CNTN5: variants seen among roughly 807,000 people sequenced by gnomAD.
CNTN5 encodes contactin-5.
A neutral mutation model predicts 129.1 loss-of-function variants in CNTN5; 77 were observed. The ratio of observed to expected loss-of-function variants is 0.60; its 90% CI spans 0.50 to 0.72. The LOEUF is 0.72. Among genes scored for constraint, CNTN5 ranks in the 30% least tolerant of loss-of-function variants. The probability of loss-of-function intolerance (pLI) is 0.00; values close to 1 mark genes in which losing one functional copy is unlikely to be tolerated. For synonymous variants in CNTN5, 509 were observed against 465.6 expected (o/e 1.09, Z -1.20); for missense variants, 1,478 against 1,328.8 (o/e 1.11, Z -1.75).
chr11:99,269,198 C>A (rs895436373), intron 1 of CNTN5, among the ~76,000 whole-genome samples: 3 of 151,712 alleles, frequency 2.0e-5, no homozygotes, highest in African/African-American at 4.8e-5. Flanking sequence ...TCGTTAAGTG[C>A]CCTTTGTTAA....
At chr11:99,123,588 A>G (rs563509241) in intron 1 of CNTN5, among the ~76,000 whole-genome samples, 1 of 148,884 alleles carries the variant, frequency 6.7e-6, no homozygotes, top group East Asian at 1.9e-4. Flanking sequence ...TGCTTTTGAC[A>G]TCTTCATCAT....
chr11:99,325,810 C>T (rs1289240268), intron 2 of CNTN5, among the ~76,000 whole-genome samples: 1 of 152,142 alleles, frequency 6.6e-6, no homozygotes, highest in Non-Finnish European at 1.5e-5. Context: ...GTAAGAAAAA[C>T]AGTACTCAGA....
intron 3 of CNTN5, among the ~76,000 whole-genome samples, chr11:99,573,512 G>A (rs984712240): frequency 6.6e-6 from 1 of 151,922 alleles, no homozygotes; most frequent in Non-Finnish European, 1.5e-5. Context: ...GGAGTTTGCA[G>A]TGAGCCCAGA....
chr11:99,638,012 AAC>A (rs1951630120), intron 3 of CNTN5, among the ~76,000 whole-genome samples: 1 of 152,130 alleles, frequency 6.6e-6, no homozygotes, highest in Non-Finnish European at 1.5e-5. Context: ...CCACATATGT[AAC>A]AGTGGTCCCT....
At chr11:99,454,885 T>C (rs1014211007) in intron 2 of CNTN5, among the ~76,000 whole-genome samples, 1 of 152,148 alleles carries the variant, frequency 6.6e-6, no homozygotes, top group Non-Finnish European at 1.5e-5. Context: ...ATAGGAAATC[T>C]AGTAGCCTCC....
At chr11:100,159,032 A>G (rs976115244) in intron 13 of CNTN5, among the ~76,000 whole-genome samples, 2 of 151,954 alleles carry the variant, frequency 1.3e-5, no homozygotes, top group Admixed American at 6.6e-5. Flanking sequence ...GGTGAATCAC[A>G]TAAACATACT....
Position 99,679,116 on chromosome 11 carries a change from T to C in CNTN5, c.55+122847T>C, listed in dbSNP as rs183991439. ...TACACACATATATAGGAAATATATA[T>C]ATGTATATACTTATAGGAAATATAT... On this transcript the variant is annotated intron_variant, in intron 3 of 24. Coordinates refer to ENST00000524871, the MANE Select transcript of CNTN5 (RefSeq NM_014361.4). 5.6e-3 allele frequency among the ~76,000 whole-genome samples: 830 copies of C among 147,734 alleles called. 5 individuals are homozygous for C. Among genetic ancestry groups the C allele is most frequent in the Non-Finnish European group, 9.1e-3 (608 of 67,082 alleles).
intron 1 of CNTN5, among the ~76,000 whole-genome samples, chr11:99,058,168 C>T (rs1317670394): frequency 6.6e-6 from 1 of 151,926 alleles, no homozygotes; most frequent in African/African-American, 2.4e-5. Flanking sequence ...TTGGGAAGCC[C>T]TGAAGAGTTT....
intron 8 of CNTN5, among the ~76,000 whole-genome samples, chr11:99,990,025 A>G (rs551213016): frequency 6.6e-6 from 1 of 152,254 alleles, no homozygotes; most frequent in South Asian, 2.1e-4. Flanking sequence ...TCAGCCTCCC[A>G]AAGTCCTGGG....
intron 13 of CNTN5, among the ~76,000 whole-genome samples, chr11:100,142,927 G>C (rs571441995): frequency 6.6e-6 from 1 of 152,226 alleles, no homozygotes; most frequent in South Asian, 2.1e-4. Flanking sequence ...GTGGTTGACT[G>C]TACCTAAACC....
chr11:99,546,238 G>A (rs922242341), intron 2 of CNTN5, among the ~76,000 whole-genome samples: 1 of 152,136 alleles, frequency 6.6e-6, no homozygotes, highest in Admixed American at 6.6e-5. Context: ...TTTCATAAAG[G>A]GTTATGTCCT....
chr11:100,263,333 A>G (rs189989583), intron 17 of CNTN5, among the ~76,000 whole-genome samples: 1 of 152,302 alleles, frequency 6.6e-6, no homozygotes, highest in East Asian at 1.9e-4. Flanking sequence ...CCAGAATATT[A>G]TGAGGGTAAA....
chr11:99,134,366 T>TA (rs1433662858), intron 1 of CNTN5, among the ~76,000 whole-genome samples: 1 of 152,128 alleles, frequency 6.6e-6, no homozygotes, highest in East Asian at 1.9e-4. Context: ...TTTACCTGTA[T>TA]AAAAAACCTG....
In CNTN5 at chr11:100,271,194, C is replaced by T; in HGVS notation, c.2267C>T (p.Thr756Ile). The T allele has an allele frequency of 6.2e-7, 1 of 1,612,724 alleles. No individual in the cohort carries two copies. Among genetic ancestry groups the T allele is most frequent in the East Asian group, 2.2e-5 (1 of 44,800 alleles). ...GTGGTAGCCACCAACCCTATTGGGA[C>T]AGGAGATCCAAGCACCCCATCTCGA... is the stretch of plus-strand genomic sequence containing the variant. ...FRVVATNPIG[T>I]GDPSTPSRMI... The change falls in exon 18 of 25, where the codon ACA becomes ATA. Residue 756 changes from threonine (T) to isoleucine (I), a missense_variant. Coordinates refer to ENST00000524871, the MANE Select transcript of CNTN5 (RefSeq NM_014361.4).
chr11:100,350,908 C>T, intron 24 of CNTN5, 38 bp downstream of exon 24: 1 of 1,473,874 alleles, frequency 6.8e-7, no homozygotes, highest in Non-Finnish European at 9.2e-7. Flanking sequence ...TGCTGACAAC[C>T]AACAATTACG....
intron 18 of CNTN5, among the ~76,000 whole-genome samples, chr11:100,288,805 T>A (rs1950871044): frequency 6.6e-6 from 1 of 151,954 alleles, no homozygotes; most frequent in African/African-American, 2.4e-5. Flanking sequence ...CTTCCAAAAA[T>A]TAATGAATCC....
In CNTN5 at chr11:99,379,643, A is replaced by C. The variant is rs201640791; in HGVS notation, c.-71+54159A>C. Reference sequence around the variant, plus strand: ...AAGAGAATCATCTTGCCTCAAAAACATGTGGAAAGGTAGAAAAAAATATGT... The same window carrying C: ...AAGAGAATCATCTTGCCTCAAAAACCTGTGGAAAGGTAGAAAAAAATATGT... On this transcript the variant is annotated intron_variant, in intron 2 of 24. Transcript: ENST00000524871. Among the ~76,000 whole-genome samples, 4 of 152,182 alleles carry C rather than the reference A, an allele frequency of 2.6e-5. No homozygotes were observed. The East Asian group carries it at 5.8e-4, about 22-fold the overall frequency.
intron 4 of CNTN5, among the ~76,000 whole-genome samples, chr11:99,825,082 T>C (rs1314369861): frequency 1.3e-5 from 2 of 152,048 alleles, no homozygotes; most frequent in South Asian, 2.1e-4. Context: ...TCTAATAGTA[T>C]GTGTTAGATA....
chr11:99,902,941 G>C (rs934870694), intron 6 of CNTN5, among the ~76,000 whole-genome samples: 1 of 152,130 alleles, frequency 6.6e-6, no homozygotes, highest in East Asian at 1.9e-4. Context: ...AAGATAAGTT[G>C]AAAATTGATC....
Sources: gnomAD v4.1 joint callset for allele counts (sites outside exome capture counted in the v4.1 genomes callset) on GRCh38, gnomAD v4.1.1 for gene constraint, MANE v1.5 for transcripts, NCBI Gene and HGNC (gene_info 2026-07-23, HGNC 2026-07-21) for gene names.